Variants in KCNH7 observed in about 807,000 individuals in gnomAD.
The protein encoded by KCNH7 is voltage-gated inwardly rectifying potassium channel KCNH7.
In KCNH7, 49 loss-of-function variants were observed where a neutral mutation model predicts 120.8. The observed-to-expected ratio is 0.41, with a 90% CI of 0.32 to 0.51. The LOEUF (loss-of-function observed/expected upper bound fraction) is 0.51. KCNH7 is among the 20% of genes least tolerant of loss of function. The probability of loss-of-function intolerance (pLI) is 0.38; values close to 1 mark genes in which losing one functional copy is unlikely to be tolerated. For synonymous variants in KCNH7, 547 were observed against 516.1 expected (o/e 1.06, Z -0.81); for missense variants, 1,097 against 1,446.6 (o/e 0.76, Z 3.92).
intron 2 of KCNH7, among the ~76,000 whole-genome samples, chr2:162,670,868 A>G (rs1427818400): frequency 1.3e-5 from 2 of 152,122 alleles, no homozygotes; most frequent in Admixed American, 1.3e-4. Context: ...TAACTTAAAG[A>G]AAAAGATTAT....
At chr2:162,542,603 A>G (rs974542816) in intron 2 of KCNH7, among the ~76,000 whole-genome samples, 40 of 151,902 alleles carry the variant, frequency 2.6e-4, no homozygotes, top group Admixed American at 2.5e-3. Context: ...TGGCTGCACA[A>G]TATTCCATGG....
At chr2:162,649,742 C>T (rs992621663) in intron 2 of KCNH7, among the ~76,000 whole-genome samples, 6 of 152,122 alleles carry the variant, frequency 3.9e-5, no homozygotes, top group African/African-American at 1.4e-4. Flanking sequence ...TTATTTTCAA[C>T]TCAGAACATT....
chr2:162,604,317 C>T (rs912346972), intron 2 of KCNH7, among the ~76,000 whole-genome samples: 2 of 151,964 alleles, frequency 1.3e-5, no homozygotes, highest in African/African-American at 4.8e-5. Context: ...GCCAGATTTT[C>T]AATACGGTTC....
At chr2:162,621,062 T>G (rs1276589109) in intron 2 of KCNH7, among the ~76,000 whole-genome samples, 1 of 152,044 alleles carries the variant, frequency 6.6e-6, no homozygotes, top group Non-Finnish European at 1.5e-5. Context: ...CTTGTCCCAT[T>G]CTCTCTTTCA....
intron 2 of KCNH7, among the ~76,000 whole-genome samples, chr2:162,700,968 G>A (rs757400193): frequency 6.6e-6 from 1 of 152,134 alleles, no homozygotes; most frequent in Non-Finnish European, 1.5e-5. Flanking sequence ...TTATTCTTGT[G>A]TTTGCCCTAT....
intron 2 of KCNH7, among the ~76,000 whole-genome samples, chr2:162,584,795 T>C (rs1188192941): frequency 1.3e-5 from 2 of 151,854 alleles, no homozygotes; most frequent in Non-Finnish European, 2.9e-5. Context: ...AAGAAAGAAG[T>C]CATGGGATGA....
intron 2 of KCNH7, among the ~76,000 whole-genome samples, chr2:162,808,222 T>C (rs1371775715): frequency 6.6e-6 from 1 of 152,238 alleles, no homozygotes; most frequent in African/African-American, 2.4e-5. Flanking sequence ...TATTTTTCAA[T>C]TTGTATTAAT....
In KCNH7 at chr2:162,698,438, T is replaced by A. The variant is rs545285169; in HGVS notation, c.307+138099A>T. Among the ~76,000 whole-genome samples the A allele has an allele frequency of 5.3e-3, 806 of 152,088 alleles. 7 individuals are homozygous for A. Among genetic ancestry groups the A allele is most frequent in the African/African-American group, 0.019 (776 of 41,532 alleles). On this transcript the variant is annotated intron_variant, in intron 2 of 15. Transcript: ENST00000332142. ...TAACTTTAATCGCCGTCTTTATTTT[T>A]TTTTTTTTAACTTCCATTGCATGAG...
intron 6 of KCNH7, among the ~76,000 whole-genome samples, chr2:162,477,873 C>CA (rs778435417): frequency 2.1e-4 from 31 of 149,404 alleles, no homozygotes; most frequent in Middle Eastern, 3.4e-3. Flanking sequence ...CCCACCCACC[C>CA]AACTTTTATT....
chr2:162,838,313 G>T, intron 1 of KCNH7, 130 bp downstream of exon 1: 1 of 682,988 alleles, frequency 1.5e-6, no homozygotes, highest in Non-Finnish European at 2.6e-6. Context: ...CGAACCTCCT[G>T]GCTCGGTTTC....
At chr2:162,386,032 A>G (rs1313616843) in intron 12 of KCNH7, among the ~76,000 whole-genome samples, 3 of 151,892 alleles carry the variant, frequency 2.0e-5, no homozygotes, top group Non-Finnish European at 4.4e-5. Flanking sequence ...TGAGGAGTTC[A>G]TGTTTTGTCA....
chr2:162,778,975 G>A (rs549287370), intron 2 of KCNH7, among the ~76,000 whole-genome samples: 135 of 150,098 alleles, frequency 9.0e-4, no homozygotes, highest in African/African-American at 3.0e-3. Flanking sequence ...TTTCTGAGGG[G>A]TTCATCTGCC....
At chr2:162,641,057 G>C (rs1684138933) in intron 2 of KCNH7, among the ~76,000 whole-genome samples, 1 of 152,074 alleles carries the variant, frequency 6.6e-6, no homozygotes, top group Non-Finnish European at 1.5e-5. Flanking sequence ...AGAAAAACTA[G>C]ATCATTCAGA....
At position 162,748,967 on chromosome 2, in the gene KCNH7, CTTCCTTCCTTCCTTCCTTCCTTCT is replaced by C. The variant is rs1418562321; in HGVS notation, c.307+87546_307+87569del. Among the ~76,000 whole-genome samples, 93 of 138,164 alleles carry C rather than the reference CTTCCTTCCTTCCTTCCTTCCTTCT, an allele frequency of 6.7e-4. 6 individuals are homozygous for C. The South Asian group carries it at 8.1e-3, about 12-fold the overall frequency. The allele number at this position is 138,164 out of a possible 152,430, so 90.6% of individuals were successfully genotyped here. ...CCTTCCTTCCTTCCTTCCTTCCTTC[CTTCCTTCCTTCCTTCCTTCCTTCT>C]TTCCTCTCTTTTGCACTGAAAAGCA... is the stretch of plus-strand genomic sequence containing the variant. On this transcript the variant is annotated intron_variant, in intron 2 of 15. Transcript: ENST00000332142.
intron 2 of KCNH7, among the ~76,000 whole-genome samples, chr2:162,766,964 T>C (rs1682841141): frequency 7.2e-6 from 1 of 139,666 alleles, no homozygotes; most frequent in Non-Finnish European, 1.5e-5. Context: ...CATTGTTCTT[T>C]TCTGGCTTTA....
intron 6 of KCNH7, among the ~76,000 whole-genome samples, chr2:162,470,910 C>A (rs1272785745): frequency 2.0e-5 from 3 of 152,178 alleles, no homozygotes; most frequent in Admixed American, 2.0e-4. Flanking sequence ...AAGAAAAATT[C>A]TTCTGCCTTG....
chr2:162,504,764 A>G, intron 5 of KCNH7, 107 bp from the exon 6 acceptor site: 1 of 720,250 alleles, frequency 1.4e-6, no homozygotes, highest in Non-Finnish European at 2.3e-6. Flanking sequence ...TCCTGATTTG[A>G]GTGTGACTGA....
chr2:162,656,761 G>A (rs1344343049), intron 2 of KCNH7, among the ~76,000 whole-genome samples: 1 of 152,180 alleles, frequency 6.6e-6, no homozygotes, highest in Non-Finnish European at 1.5e-5. Flanking sequence ...CATATTTGCT[G>A]TGGAGCATCA....
At chr2:162,546,070 C>A (rs926999823) in intron 2 of KCNH7, among the ~76,000 whole-genome samples, 5 of 152,168 alleles carry the variant, frequency 3.3e-5, no homozygotes, top group Non-Finnish European at 7.4e-5. Context: ...AGGAAGAACT[C>A]TCACACATTT....
Sources: gnomAD v4.1 joint callset for allele counts (sites outside exome capture counted in the v4.1 genomes callset) on GRCh38, gnomAD v4.1.1 for gene constraint, MANE v1.5 for transcripts, NCBI Gene and HGNC (gene_info 2026-07-23, HGNC 2026-07-21) for gene names.